The following CYTH1 variants were observed in gnomAD, a reference collection of about 807,000 sequenced individuals.
CYTH1 encodes cytohesin-1.
Under a neutral mutation model 61.8 loss-of-function variants are expected in CYTH1, and 18 were observed. The ratio of observed to expected loss-of-function variants is 0.29; its 90% CI spans 0.20 to 0.43. CYTH1 has a LOEUF of 0.43. Among genes scored for constraint, CYTH1 ranks in the 20% least tolerant of loss-of-function variants. CYTH1 has a pLI of 1.00. For synonymous variants in CYTH1, 174 were observed against 184.3 expected, an observed-to-expected ratio of 0.94 and a Z score of 0.45; for missense variants, 336 against 510.5, an observed-to-expected ratio of 0.66 and a Z score of 3.29.
intron 1 of CYTH1, among the ~76,000 whole-genome samples, chr17:78,769,726 CA>C (rs2093462943): frequency 6.6e-6 from 1 of 152,166 alleles, no homozygotes; most frequent in Non-Finnish European, 1.5e-5. Context: ...TCATAGAAAC[CA>C]ATCTGCGAGC....
intron 1 of CYTH1, among the ~76,000 whole-genome samples, chr17:78,725,096 C>G (rs2093258589): frequency 6.6e-6 from 1 of 152,194 alleles, no homozygotes; most frequent in Admixed American, 6.5e-5. Flanking sequence ...CCTCTCCTCC[C>G]AGTCCAAGGA....
At chr17:78,713,854 T>G (rs2093158300) in intron 1 of CYTH1, among the ~76,000 whole-genome samples, 4 of 151,782 alleles carry the variant, frequency 2.6e-5, no homozygotes, top group African/African-American at 9.7e-5. Context: ...CGTTGCTTTC[T>G]TTTCAGAATC....
intron 1 of CYTH1, among the ~76,000 whole-genome samples, chr17:78,771,456 G>A (rs547274656): frequency 1.6e-3 from 249 of 151,840 alleles, no homozygotes; most frequent in Non-Finnish European, 2.7e-3. Context: ...AAGAAGGCCA[G>A]GTGCGGTGGC....
chr17:78,711,170 G>A (rs1312780502), intron 1 of CYTH1, among the ~76,000 whole-genome samples: 1 of 151,750 alleles, frequency 6.6e-6, no homozygotes, highest in Non-Finnish European at 1.5e-5. Flanking sequence ...GCTGAGGCAG[G>A]AGAATGGCGT....
At chr17:78,743,099 C>T (rs947596309) in intron 1 of CYTH1, among the ~76,000 whole-genome samples, 7 of 151,708 alleles carry the variant, frequency 4.6e-5, no homozygotes, top group African/African-American at 1.2e-4. Context: ...GAAAATGTTG[C>T]GTAACTATTT....
intron 1 of CYTH1, among the ~76,000 whole-genome samples, chr17:78,739,442 T>C (rs1262523056): frequency 6.6e-6 from 1 of 151,838 alleles, no homozygotes; most frequent in Non-Finnish European, 1.5e-5. Flanking sequence ...GTGGGGGAAG[T>C]GGAAGTGCAG....
intron 1 of CYTH1, among the ~76,000 whole-genome samples, chr17:78,777,119 C>T (rs1194825554): frequency 6.9e-6 from 1 of 145,218 alleles, no homozygotes; most frequent in Non-Finnish European, 1.5e-5. Flanking sequence ...GAGTGAAACT[C>T]TGTCTCACAA....
At chr17:78,729,097 T>G (rs1598889296) in intron 1 of CYTH1, among the ~76,000 whole-genome samples, 1 of 152,152 alleles carries the variant, frequency 6.6e-6, no homozygotes, top group African/African-American at 2.4e-5. Flanking sequence ...GTTAATATCT[T>G]TTTTTAAATT....
intron 11 of CYTH1, among the ~76,000 whole-genome samples, chr17:78,681,258 G>C (rs1483198207): frequency 2.6e-5 from 4 of 152,144 alleles, no homozygotes; most frequent in Non-Finnish European, 5.9e-5. Flanking sequence ...CGAGTAGAAA[G>C]ACCAGAAGAT....
At chr17:78,741,910 G>A (rs2093343427) in intron 1 of CYTH1, among the ~76,000 whole-genome samples, 1 of 152,178 alleles carries the variant, frequency 6.6e-6, no homozygotes. Flanking sequence ...CTGGGGGCCA[G>A]GTTTCCCACT....
intron 3 of CYTH1, among the ~76,000 whole-genome samples, chr17:78,703,809 C>T (rs780890493): frequency 1.3e-5 from 2 of 152,120 alleles, no homozygotes; most frequent in Non-Finnish European, 2.9e-5. Context: ...ATGGATAAAC[C>T]ACATCTGTTT....
At chr17:78,686,074 CTG>C (rs2092813844) in intron 11 of CYTH1, among the ~76,000 whole-genome samples, 1 of 152,168 alleles carries the variant, frequency 6.6e-6, no homozygotes, top group African/African-American at 2.4e-5. Flanking sequence ...TCATGCCACA[CTG>C]TATCTTTGAT....
At chr17:78,710,977 C>T (rs1219932097) in intron 1 of CYTH1, among the ~76,000 whole-genome samples, 1 of 152,078 alleles carries the variant, frequency 6.6e-6, no homozygotes, top group Non-Finnish European at 1.5e-5. Flanking sequence ...AAAATATACA[C>T]CGAGGCCGGG....
rs555464975 is a variant in CYTH1 at position 78,755,778 on chromosome 17, G to T, written c.22+26424C>A. Among the ~76,000 whole-genome samples, 39 of 152,026 alleles carry T rather than the reference G, an allele frequency of 2.6e-4. No individual in the cohort carries two copies. In the East Asian group the frequency reaches 7.4e-3, roughly 29 times the overall value. On this transcript the variant is annotated intron_variant, in intron 1 of 13. Coordinates refer to ENST00000446868, the MANE Select transcript of CYTH1 (RefSeq NM_004762.6). Reference sequence around the variant, plus strand: ...AATAAACAATTAGCTGGGCATGGTGGTGCAAGCCTGTAGTCCCAGCTACTT... The same window carrying T: ...AATAAACAATTAGCTGGGCATGGTGTTGCAAGCCTGTAGTCCCAGCTACTT...
At chr17:78,755,245 A>C (rs2093395913) in intron 1 of CYTH1, among the ~76,000 whole-genome samples, 1 of 152,092 alleles carries the variant, frequency 6.6e-6, no homozygotes, top group Non-Finnish European at 1.5e-5. Context: ...GCGCAATCTC[A>C]GCTCACTGCA....
chr17:78,780,715 A>G (rs2093513291), intron 1 of CYTH1, among the ~76,000 whole-genome samples: 1 of 151,780 alleles, frequency 6.6e-6, no homozygotes, highest in South Asian at 2.1e-4. Flanking sequence ...TTAAAAAAGT[A>G]AAAAATTAGG....
At chr17:78,760,384 TACACACAC>T (rs1555615252) in intron 1 of CYTH1, among the ~76,000 whole-genome samples, 1,281 of 51,110 alleles carry the variant, frequency 0.025, 142 homozygotes, top group South Asian at 0.045. Context: ...TATATATATA[TACACACAC>T]ATACATATAT....
chr17:78,734,490 G>C (rs1182674702), intron 1 of CYTH1, among the ~76,000 whole-genome samples: 1 of 137,030 alleles, frequency 7.3e-6, no homozygotes, highest in Non-Finnish European at 1.5e-5. Flanking sequence ...ACCCAGGCTG[G>C]AGTGCAGTGG....
chr17:78,760,372 TATATATATATATACACAC>T lies in CYTH1; in HGVS notation c.22+21812_22+21829del, dbSNP rs1218402857. The stretch of plus-strand genomic sequence containing the variant: ...TAGCAGGTTTATATATATATATATA[TATATATATATATACACAC>T]ACATACATATATATATGTGTATATA... On this transcript the variant is annotated intron_variant, in intron 1 of 13. Coordinates refer to ENST00000446868, the MANE Select transcript of CYTH1 (RefSeq NM_004762.6). Among the ~76,000 whole-genome samples, 526 of 63,160 alleles carry T rather than the reference TATATATATATATACACAC, an allele frequency of 8.3e-3. 62 individuals carry two copies. In the East Asian group the frequency reaches 0.15, roughly 18 times the overall value. The allele number at this position is 63,160 out of a possible 152,430, so 41.4% of individuals were successfully genotyped here. A position where few individuals can be genotyped will look rare whatever the true frequency, so the allele number is the denominator to read the frequency against.
Sources: allele counts gnomAD v4.1 joint callset (sites outside exome capture counted in the v4.1 genomes callset), GRCh38; gene constraint gnomAD v4.1.1; transcripts MANE v1.5; gene names NCBI Gene and HGNC (gene_info 2026-07-23, HGNC 2026-07-21).